The following SOX5 variants were observed in gnomAD, a reference collection of about 807,000 sequenced individuals.
SOX5 encodes transcription factor SOX-5.
SOX5 carries 9 observed loss-of-function variants against 92.0 expected under a neutral mutation model. The ratio of observed to expected loss-of-function variants is 0.10; its 90% CI spans 0.06 to 0.17. The LOEUF (loss-of-function observed/expected upper bound fraction) is 0.17. Ranked by LOEUF, SOX5 falls within the 10% of genes least tolerant of loss-of-function variation. The pLI, the probability that SOX5 is intolerant of heterozygous loss-of-function variation, is 1.00. For synonymous variants in SOX5, 344 were observed against 336.3 expected (o/e 1.02, Z -0.25); for missense variants, 642 against 944.5 (o/e 0.68, Z 4.20).
intron 4 of SOX5, among the ~76,000 whole-genome samples, chr12:24,007,895 A>C (rs1435692692): frequency 3.3e-5 from 5 of 151,038 alleles, no homozygotes; most frequent in African/African-American, 9.7e-5. Flanking sequence ...TTAATATTCC[A>C]TTATTTCTGA....
chr12:23,588,089 A>G (rs1034090133), intron 9 of SOX5, among the ~76,000 whole-genome samples: 1 of 152,072 alleles, frequency 6.6e-6, no homozygotes, highest in African/African-American at 2.4e-5. Context: ...GGTGATGACT[A>G]TTTATACAGA....
chr12:23,730,342 CTTT>C (rs1179077956), intron 6 of SOX5, among the ~76,000 whole-genome samples: 3 of 151,994 alleles, frequency 2.0e-5, no homozygotes. Flanking sequence ...AAAAAAGTAT[CTTT>C]TAAGTCAATA....
At chr12:23,815,014 C>A (rs2095960198) in intron 3 of SOX5, among the ~76,000 whole-genome samples, 1 of 152,100 alleles carries the variant, frequency 6.6e-6, no homozygotes, top group Non-Finnish European at 1.5e-5. Context: ...AAAGAGTTTT[C>A]ATCCAAAGAC....
rs545280090 is a variant in SOX5, at chr12:24,069,813, G to T, written c.-2+143530C>A. Among the ~76,000 whole-genome samples the T allele has an allele frequency of 4.6e-5, 7 of 152,230 alleles. No homozygotes were observed. The East Asian group carries it at 1.2e-3, about 25-fold the overall frequency. On this transcript the variant is annotated intron_variant, in intron 4 of 4. Transcript: ENST00000446891. ...TAAAATGCTTTAATGGTCCCCATAG[G>T]CTATTTAAATAAACACTGTGATTGC...
chr12:23,682,727 A>C (rs2086822756), intron 6 of SOX5, among the ~76,000 whole-genome samples: 1 of 151,874 alleles, frequency 6.6e-6, no homozygotes, highest in African/African-American at 2.4e-5. Flanking sequence ...AATAACAAAG[A>C]AAAGAATTCA....
intron 7 of SOX5, among the ~76,000 whole-genome samples, chr12:23,643,929 C>G (rs987143041): frequency 1.3e-5 from 2 of 152,100 alleles, no homozygotes; most frequent in South Asian, 4.1e-4. Flanking sequence ...TGGAAATGCA[C>G]ATTTTTAGAA....
intron 1 of SOX5, among the ~76,000 whole-genome samples, chr12:24,412,268 T>C (rs1192230553): frequency 6.6e-6 from 1 of 152,132 alleles, no homozygotes; most frequent in Non-Finnish European, 1.5e-5. Flanking sequence ...GGATTATTTT[T>C]CTGTTTTCAA....
chr12:24,429,761 T>C (rs1438695397), intron 1 of SOX5, among the ~76,000 whole-genome samples: 2 of 152,144 alleles, frequency 1.3e-5, no homozygotes, highest in African/African-American at 4.8e-5. Context: ...AATACACAAA[T>C]GTTATTTTGT....
chr12:24,366,619 A>G (rs1044131881), intron 2 of SOX5, among the ~76,000 whole-genome samples: 4 of 152,146 alleles, frequency 2.6e-5, no homozygotes, highest in Non-Finnish European at 4.4e-5. Context: ...AAGCACATGC[A>G]CACACATTCA....
At chr12:23,950,491 G>A, upstream of SOX5, among the ~76,000 whole-genome samples, 1 of 152,278 alleles carries the variant, frequency 6.6e-6, no homozygotes, top group East Asian at 1.9e-4. Flanking sequence ...CATAAAACAC[G>A]ATGTGCGATG....
intron 2 of SOX5, among the ~76,000 whole-genome samples, chr12:24,323,456 G>A (rs1192262315): frequency 6.6e-6 from 1 of 151,712 alleles, no homozygotes; most frequent in African/African-American, 2.4e-5. Flanking sequence ...AACCATTTCT[G>A]TAACTTCAAA....
intron 4 of SOX5, among the ~76,000 whole-genome samples, chr12:23,994,508 C>T (rs35831957): frequency 0.18 from 27,961 of 151,982 alleles, 2,964 homozygotes; most frequent in Non-Finnish European, 0.24. Flanking sequence ...CGGTTAAATA[C>T]ATGGATTCTT....
At chr12:23,674,075 A>G (rs1034505050) in intron 6 of SOX5, among the ~76,000 whole-genome samples, 15 of 152,176 alleles carry the variant, frequency 9.9e-5, no homozygotes, top group African/African-American at 3.4e-4. Flanking sequence ...CACATACACT[A>G]GTTTATGTAT....
At position 23,563,274 on chromosome 12, in the gene SOX5, T is replaced by C. The variant is rs1946528572; in HGVS notation, c.1472A>G (p.Asn491Ser). Residue 491 changes from asparagine (N) to serine (S), a missense_variant, in exon 11 of 15, where the codon AAC (asparagine) becomes AGC (serine). Around this residue, in one of 8 missense-constraint regions of SOX5, gnomAD observed 324 missense variants for 461.6 expected, o/e 0.70. Transcript: ENST00000451604. ...VAVVNSLGLNNCRTEKEKTTL... is the reference protein window; with the variant it reads ...VAVVNSLGLNSCRTEKEKTTL... ...TGAACTGACCTTTTCTGTTCGGCAG[T>C]TATTGAGACCCAGACTATTCACAAC... 2 of 1,612,914 alleles carry C rather than the reference T, an allele frequency of 1.2e-6. No homozygotes were observed. The highest frequency in any genetic ancestry group is 1.7e-6 in the Non-Finnish European group (2 of 1,179,436).
At chr12:24,333,723 G>A (rs1951581260) in intron 2 of SOX5, among the ~76,000 whole-genome samples, 2 of 151,914 alleles carry the variant, frequency 1.3e-5, no homozygotes, top group African/African-American at 4.8e-5. Context: ...ACTAATATCA[G>A]TAAAAAGACA....
At chr12:24,295,966 T>C (rs1947184112) in intron 2 of SOX5, among the ~76,000 whole-genome samples, 1 of 152,178 alleles carries the variant, frequency 6.6e-6, no homozygotes, top group African/African-American at 2.4e-5. Context: ...CCAATGGTCT[T>C]TGCTAAAGAA....
intron 1 of SOX5, among the ~76,000 whole-genome samples, chr12:24,401,295 T>C (rs1458559821): frequency 6.8e-6 from 1 of 146,250 alleles, no homozygotes; most frequent in African/African-American, 2.6e-5. Context: ...GAGGTTGCAG[T>C]GAGCCGAGAT....
rs1408628086 is a variant in SOX5 at position 23,801,681 on chromosome 12, A to G, written c.481+44302T>C. ...TCCACTTTTTAACATTATTAATACTAAAATCTATTTAATTTTTCAGTTAAG... is the reference window on the plus strand; with the variant it reads ...TCCACTTTTTAACATTATTAATACTGAAATCTATTTAATTTTTCAGTTAAG... On this transcript the variant is annotated intron_variant, in intron 3 of 14. Coordinates refer to ENST00000451604, the MANE Select transcript of SOX5 (RefSeq NM_006940.6). Among the ~76,000 whole-genome samples the G allele has an allele frequency of 2.0e-5, 3 of 152,196 alleles. No individual in the cohort carries two copies. In the East Asian group the frequency reaches 5.8e-4, roughly 29 times the overall value.
At chr12:24,258,098 G>A (rs866283671) in intron 3 of SOX5, among the ~76,000 whole-genome samples, 22 of 152,190 alleles carry the variant, frequency 1.4e-4, no homozygotes, top group African/African-American at 4.8e-4. Flanking sequence ...GCTTGAACCC[G>A]GGAGGCGGAG....
Sources: gnomAD v4.1 joint callset for allele counts (sites outside exome capture counted in the v4.1 genomes callset) on GRCh38, gnomAD v4.1.1 for gene constraint, gnomAD v4.1.1 regional missense constraint, MANE v1.5 for transcripts, NCBI Gene and HGNC (gene_info 2026-07-23, HGNC 2026-07-21) for gene names.